The following DGKG variants were observed in gnomAD, a reference collection of about 807,000 sequenced individuals.
The protein encoded by DGKG is diacylglycerol kinase gamma, also known as DAG kinase gamma.
DGKG carries 78 observed loss-of-function variants against 105.3 expected under a neutral mutation model. The ratio of observed to expected loss-of-function variants is 0.74; its 90% confidence interval spans 0.62 to 0.89. The LOEUF (loss-of-function observed/expected upper bound fraction) is 0.89. Ranked by LOEUF, DGKG falls within the 40% of genes least tolerant of loss-of-function variation. The pLI, the probability that DGKG is intolerant of heterozygous loss-of-function variation, is 0.00. For missense variants in DGKG, 958 were observed against 1,020.1 expected (o/e 0.94, Z 0.83); for synonymous variants, 346 against 367.1 (o/e 0.94, Z 0.66).
At chr3:186,188,457 C>CGTGT (rs3217178) in intron 21 of DGKG, 78 bp from the exon 22 acceptor site, 1 of 1,267,336 alleles carries the variant, frequency 7.9e-7, no homozygotes, top group Non-Finnish European at 1.1e-6. Context: ...TGTGTGCGTG[C>CGTGT]GTGTGTGTGT....
At chr3:186,154,029 C>T (rs1025136879) in intron 24 of DGKG, among the ~76,000 whole-genome samples, 7 of 152,036 alleles carry the variant, frequency 4.6e-5, no homozygotes, top group Non-Finnish European at 7.4e-5. Context: ...CCTGGGAGGT[C>T]GAGGCGGCAG....
At chr3:186,270,098 G>A (rs79534393) in intron 11 of DGKG, among the ~76,000 whole-genome samples, 11,054 of 151,610 alleles carry the variant, frequency 0.073, 411 homozygotes, top group Middle Eastern at 0.15. Flanking sequence ...AAATATCTGC[G>A]TGATTCTGTC....
chr3:186,174,454 G>T (rs1457327117), intron 22 of DGKG, among the ~76,000 whole-genome samples: 1 of 152,182 alleles, frequency 6.6e-6, no homozygotes. Context: ...TGAAAAAAAG[G>T]AGAAGGTTGG....
chr3:186,258,216 C>G (rs750222542), intron 16 of DGKG, among the ~76,000 whole-genome samples: 5 of 152,194 alleles, frequency 3.3e-5, no homozygotes, highest in Non-Finnish European at 7.3e-5. Context: ...GTACTAGTTA[C>G]GCAGAGGAGT....
chr3:186,155,966 T>C (rs1424442134), intron 24 of DGKG, among the ~76,000 whole-genome samples: 1 of 152,238 alleles, frequency 6.6e-6, no homozygotes, highest in East Asian at 1.9e-4. Flanking sequence ...ACTTCTTCTA[T>C]GAATTCTCTG....
At chr3:186,260,079 CTGA>C (rs1259080544) in intron 16 of DGKG, among the ~76,000 whole-genome samples, 1 of 152,198 alleles carries the variant, frequency 6.6e-6, no homozygotes, top group African/African-American at 2.4e-5. Flanking sequence ...TTTCTCTTCT[CTGA>C]TGATTCAGTA....
intron 19 of DGKG, among the ~76,000 whole-genome samples, chr3:186,251,168 T>C (rs1314553735): frequency 6.6e-6 from 1 of 152,096 alleles, no homozygotes; most frequent in Non-Finnish European, 1.5e-5. Flanking sequence ...AGAGTGTGCA[T>C]GAATGGGGTG....
rs1460616333 is a variant in DGKG, at chr3:186,173,130, G to A, written c.2096-8112C>T. On this transcript the variant is annotated intron_variant, in intron 22 of 24. Transcript: ENST00000265022. ...AAGGACACCAGTTGGACTGGATTAGGGCCCACCCAAATAACCTCATTTTAA... is the reference window on the plus strand; with the variant it reads ...AAGGACACCAGTTGGACTGGATTAGAGCCCACCCAAATAACCTCATTTTAA... Among the ~76,000 whole-genome samples, 3 of 152,096 alleles carry A rather than the reference G, an allele frequency of 2.0e-5. No individual in the cohort carries two copies. The East Asian group carries it at 5.8e-4, about 29-fold the overall frequency.
At chr3:186,269,203 C>T (rs558311582) in intron 11 of DGKG, among the ~76,000 whole-genome samples, 2 of 152,242 alleles carry the variant, frequency 1.3e-5, no homozygotes, top group Non-Finnish European at 2.9e-5. Flanking sequence ...TCTTGTCTGG[C>T]AGTCCATCTG....
intron 23 of DGKG, among the ~76,000 whole-genome samples, chr3:186,162,767 C>T (rs1372605039): frequency 6.6e-6 from 1 of 152,132 alleles, no homozygotes; most frequent in Non-Finnish European, 1.5e-5. Context: ...TGGTCTCGAT[C>T]TCCTGACCTC....
intron 1 of DGKG, among the ~76,000 whole-genome samples, chr3:186,353,580 TATATATATATAC>T (rs1253647537): frequency 7.0e-6 from 1 of 143,616 alleles, no homozygotes; most frequent in African/African-American, 2.6e-5. Context: ...TATATATATA[TATATATATATAC>T]ACACACACAC....
intron 19 of DGKG, 127 bp downstream of exon 19, chr3:186,251,632 C>A: frequency 9.3e-7 from 1 of 1,073,976 alleles, no homozygotes; most frequent in Non-Finnish European, 1.4e-6. Context: ...AATGCTTGGA[C>A]CCAACTCAGG....
chr3:186,253,071 C>A (rs760432672), intron 18 of DGKG, 22 bp downstream of exon 18: 7 of 1,609,512 alleles, frequency 4.3e-6, no homozygotes, highest in Non-Finnish European at 6.0e-6. Flanking sequence ...CCCAGGGTAC[C>A]ACCATTAGCA....
chr3:186,329,674 G>T (rs747745804), intron 1 of DGKG, among the ~76,000 whole-genome samples: 2 of 152,174 alleles, frequency 1.3e-5, no homozygotes, highest in Admixed American at 6.5e-5. Flanking sequence ...GTGGAAAGTC[G>T]CAACTTGACA....
At chr3:186,217,445 C>A (rs543713404) in intron 20 of DGKG, among the ~76,000 whole-genome samples, 44 of 152,326 alleles carry the variant, frequency 2.9e-4, no homozygotes, top group Admixed American at 5.9e-4. Context: ...AAGGGACTCT[C>A]AGCCACATGG....
chr3:186,359,108 C>A (rs949470948), intron 1 of DGKG, among the ~76,000 whole-genome samples: 1 of 152,076 alleles, frequency 6.6e-6, no homozygotes, highest in Non-Finnish European at 1.5e-5. Flanking sequence ...GTGGCTTGGT[C>A]GTGTGAGGCC....
At chr3:186,297,729 GA>G (rs1723655963) in intron 4 of DGKG, among the ~76,000 whole-genome samples, 1 of 152,198 alleles carries the variant, frequency 6.6e-6, no homozygotes, top group Non-Finnish European at 1.5e-5. Flanking sequence ...TCCCAGCCTG[GA>G]CACAGAAGCT....
intron 1 of DGKG, among the ~76,000 whole-genome samples, chr3:186,357,479 C>T (rs562860926): frequency 6.6e-6 from 1 of 152,326 alleles, no homozygotes; most frequent in East Asian, 1.9e-4. Flanking sequence ...GTTTCAATCT[C>T]AGTCTCTCCT....
chr3:186,161,061 A>AT, intron 24 of DGKG: 8 of 986,680 alleles, frequency 8.1e-6, no homozygotes, highest in Non-Finnish European at 9.6e-6. Context: ...ATTCAGTGGA[A>AT]TTTTCAAGTA....
Sources: gnomAD v4.1 joint callset for allele counts (sites outside exome capture counted in the v4.1 genomes callset) on GRCh38, gnomAD v4.1.1 for gene constraint, MANE v1.5 for transcripts, NCBI Gene and HGNC (gene_info 2026-07-23, HGNC 2026-07-21) for gene names.